PCSK2: variants seen among roughly 807,000 people sequenced by gnomAD.
PCSK2 encodes the protein proprotein convertase subtilisin/kexin type 2.
A neutral mutation model predicts 69.7 loss-of-function variants in PCSK2; 14 were observed. The observed-to-expected ratio is 0.20, with a 90% CI of 0.13 to 0.31. The LOEUF (loss-of-function observed/expected upper bound fraction) is 0.31, where lower values mean the gene tolerates loss of function less well. PCSK2 is among the 10% of genes least tolerant of loss of function. The pLI is 1.00. For missense variants in PCSK2, 544 were observed against 842.5 expected, an observed-to-expected ratio of 0.65 and a Z score of 4.39; for synonymous variants, 307 against 320.7, an observed-to-expected ratio of 0.96 and a Z score of 0.46.
intron 4 of PCSK2, among the ~76,000 whole-genome samples, chr20:17,360,975 C>T (rs748086519): frequency 3.9e-5 from 6 of 152,186 alleles, no homozygotes; most frequent in Non-Finnish European, 8.8e-5. Flanking sequence ...ATCAATTTCT[C>T]TAGACTCACA....
chr20:17,362,621 G>A (rs2030436865), intron 4 of PCSK2, among the ~76,000 whole-genome samples: 1 of 152,122 alleles, frequency 6.6e-6, no homozygotes. Flanking sequence ...GGTGGCTCAG[G>A]ACTCCCAAGA....
intron 8 of PCSK2, among the ~76,000 whole-genome samples, chr20:17,437,328 T>TGGGGCAGGGGGTC (rs2032505200): frequency 6.6e-6 from 1 of 152,154 alleles, no homozygotes; most frequent in African/African-American, 2.4e-5. Flanking sequence ...ACAATGCTCG[T>TGGGGCAGGGGGTC]GGGGCAGGGG....
intron 2 of PCSK2, among the ~76,000 whole-genome samples, chr20:17,298,435 C>G (rs1319054217): frequency 6.6e-6 from 1 of 152,106 alleles, no homozygotes; most frequent in East Asian, 1.9e-4. Flanking sequence ...CTACTGGCAT[C>G]TAGTGGGAAA....
chr20:17,324,265 A>T (rs1989970206), intron 2 of PCSK2, among the ~76,000 whole-genome samples: 1 of 152,036 alleles, frequency 6.6e-6, no homozygotes, highest in Non-Finnish European at 1.5e-5. Context: ...GGCTATAACC[A>T]CTGGCTCCAA....
chr20:17,471,169 G>T (rs535074135), intron 11 of PCSK2, among the ~76,000 whole-genome samples: 1 of 152,088 alleles, frequency 6.6e-6, no homozygotes, highest in African/African-American at 2.4e-5. Flanking sequence ...TGAGATGAAC[G>T]GCAGTTTATC....
intron 5 of PCSK2, among the ~76,000 whole-genome samples, chr20:17,371,076 C>G (rs949478450): frequency 1.3e-5 from 2 of 152,184 alleles, no homozygotes; most frequent in Non-Finnish European, 2.9e-5. Flanking sequence ...TTTCCCAAAC[C>G]ATACTTGGGG....
intron 6 of PCSK2, among the ~76,000 whole-genome samples, chr20:17,416,964 T>C (rs1402630674): frequency 1.3e-5 from 2 of 151,272 alleles, no homozygotes; most frequent in Admixed American, 6.6e-5. Flanking sequence ...TAGGTGGGAA[T>C]TGAACAATGA....
intron 2 of PCSK2, among the ~76,000 whole-genome samples, chr20:17,301,136 A>G (rs911769333): frequency 7.9e-5 from 12 of 152,354 alleles, no homozygotes; most frequent in South Asian, 4.1e-4. Context: ...ACCATCATCT[A>G]CAGGATAAGC....
intron 8 of PCSK2, among the ~76,000 whole-genome samples, chr20:17,452,674 T>A (rs1208356355): frequency 6.6e-6 from 1 of 152,224 alleles, no homozygotes; most frequent in East Asian, 1.9e-4. Flanking sequence ...GGCTGGAGGT[T>A]GCACCTGCCC....
chr20:17,472,721 C>G (rs778307222), intron 11 of PCSK2, among the ~76,000 whole-genome samples: 5 of 152,150 alleles, frequency 3.3e-5, no homozygotes, highest in Non-Finnish European at 5.9e-5. Flanking sequence ...CATCCACCAC[C>G]AAACCCGGCT....
intron 11 of PCSK2, among the ~76,000 whole-genome samples, chr20:17,475,072 A>G (rs900849436): frequency 1.3e-5 from 2 of 151,784 alleles, no homozygotes; most frequent in African/African-American, 2.4e-5. Context: ...GGAGAACTGT[A>G]GGAGAGTGAG....
chr20:17,244,201 T>C (rs1323142569), intron 1 of PCSK2, among the ~76,000 whole-genome samples: 3 of 152,232 alleles, frequency 2.0e-5, no homozygotes, highest in Non-Finnish European at 4.4e-5. Flanking sequence ...GGACTCTGGG[T>C]GACATGGCTA....
chr20:17,296,451 C>T (rs1988896765), intron 2 of PCSK2, among the ~76,000 whole-genome samples: 1 of 152,124 alleles, frequency 6.6e-6, no homozygotes, highest in African/African-American at 2.4e-5. Context: ...ACTGCCAAAC[C>T]ACTCGCGCCC....
At chr20:17,290,101 G>T (rs1988648588) in intron 2 of PCSK2, among the ~76,000 whole-genome samples, 1 of 152,132 alleles carries the variant, frequency 6.6e-6, no homozygotes, top group Non-Finnish European at 1.5e-5. Flanking sequence ...ATTTTAATTT[G>T]CATGTACTTG....
chr20:17,477,814 G>A (rs2077564), intron 11 of PCSK2, among the ~76,000 whole-genome samples: 38,849 of 151,972 alleles, frequency 0.26, 5,212 homozygotes, highest in East Asian at 0.39. Context: ...TTTGTGTGCA[G>A]GGTTAAGTAG....
At chr20:17,348,752 C>T (rs1010515134) in intron 2 of PCSK2, among the ~76,000 whole-genome samples, 1 of 152,216 alleles carries the variant, frequency 6.6e-6, no homozygotes, top group Non-Finnish European at 1.5e-5. Flanking sequence ...CACACCATTC[C>T]CTCTGTTGGT....
chr20:17,296,857 T>G (rs533375351), intron 2 of PCSK2, among the ~76,000 whole-genome samples: 1 of 152,222 alleles, frequency 6.6e-6, no homozygotes, highest in African/African-American at 2.4e-5. Context: ...AGTAAGATAA[T>G]GTATGTCTAA....
At chr20:17,275,822 T>C (rs1421866810) in intron 2 of PCSK2, among the ~76,000 whole-genome samples, 1 of 152,138 alleles carries the variant, frequency 6.6e-6, no homozygotes, top group East Asian at 1.9e-4. Context: ...CTCTCTGGAG[T>C]GTAAACTTGT....
chr20:17,308,289 A>G (rs994864883), intron 2 of PCSK2, among the ~76,000 whole-genome samples: 4 of 152,232 alleles, frequency 2.6e-5, no homozygotes, highest in African/African-American at 9.6e-5. Flanking sequence ...ACAATTCCAC[A>G]TGAGATTTTG....
Sources: allele counts gnomAD v4.1 joint callset (sites outside exome capture counted in the v4.1 genomes callset), GRCh38; gene constraint gnomAD v4.1.1; transcripts MANE v1.5; gene names NCBI Gene and HGNC (gene_info 2026-07-23, HGNC 2026-07-21).